The following TDRP variants were observed in gnomAD, a reference collection of about 807,000 sequenced individuals.
The protein encoded by TDRP is testis development-related protein.
In TDRP, 12 loss-of-function variants were observed where a neutral mutation model predicts 10.5. The ratio of observed to expected loss-of-function variants is 1.15; its 90% confidence interval spans 0.73 to 1.86. TDRP has a LOEUF of 1.86. TDRP is among the 40% of genes most tolerant of loss of function. The pLI, the probability that TDRP is intolerant of heterozygous loss-of-function variation, is 0.00. For synonymous variants in TDRP, 139 were observed against 95.4 expected (o/e 1.46, Z -2.67); for missense variants, 353 against 229.2 (o/e 1.54, Z -3.49).
At chr8:528,633 T>C (rs1282951886) in intron 1 of TDRP, among the ~76,000 whole-genome samples, 6 of 131,040 alleles carry the variant, frequency 4.6e-5, no homozygotes, top group Non-Finnish European at 1.0e-4. Context: ...AAGAGTATAA[T>C]TGGATTGTTT....
At chr8:517,591 G>C (rs957721405) in intron 1 of TDRP, among the ~76,000 whole-genome samples, 1 of 152,068 alleles carries the variant, frequency 6.6e-6, no homozygotes, top group Non-Finnish European at 1.5e-5. Flanking sequence ...CCTACAACCT[G>C]GAAGCCCCCA....
At chr8:499,414 A>C (rs1009380833) in intron 1 of TDRP, among the ~76,000 whole-genome samples, 1 of 152,134 alleles carries the variant, frequency 6.6e-6, no homozygotes, top group Non-Finnish European at 1.5e-5. Flanking sequence ...GGTCTCCACT[A>C]ACCACACCAC....
intron 1 of TDRP, chr8:495,157 C>G (rs115326306): frequency 0.1 from 15,796 of 153,706 alleles, 867 homozygotes; most frequent in African/African-American, 0.14. Flanking sequence ...CACTTGAGAC[C>G]CAGGAGGTCA....
intron 1 of TDRP, among the ~76,000 whole-genome samples, chr8:542,764 G>C (rs1802532941): frequency 6.6e-6 from 1 of 150,992 alleles, no homozygotes; most frequent in African/African-American, 2.4e-5. Flanking sequence ...TCAAGAGGCT[G>C]AGGCAGGAGA....
At chr8:515,972 C>T (rs998420726) in intron 1 of TDRP, among the ~76,000 whole-genome samples, 1 of 152,056 alleles carries the variant, frequency 6.6e-6, no homozygotes, top group Non-Finnish European at 1.5e-5. Context: ...AAATGCCATT[C>T]ACAAGAACCA....
intron 1 of TDRP, among the ~76,000 whole-genome samples, chr8:540,646 C>CA (rs1309577807): frequency 1.3e-5 from 2 of 150,388 alleles, no homozygotes; most frequent in African/African-American, 2.4e-5. Flanking sequence ...TATTTATGAC[C>CA]AAAAAAAAGG....
chr8:534,011 G>T (rs528341703), intron 1 of TDRP, among the ~76,000 whole-genome samples: 192 of 152,248 alleles, frequency 1.3e-3, no homozygotes, highest in African/African-American at 4.5e-3. Flanking sequence ...GCTTTCAAAA[G>T]GCACTGATTG....
intron 1 of TDRP, among the ~76,000 whole-genome samples, chr8:504,664 C>T (rs915628389): frequency 1.3e-4 from 20 of 152,202 alleles, no homozygotes; most frequent in African/African-American, 4.6e-4. Flanking sequence ...GGTGAACTGG[C>T]AATTCTTGTA....
At chr8:530,887 G>C (rs1802173510) in intron 1 of TDRP, among the ~76,000 whole-genome samples, 1 of 152,136 alleles carries the variant, frequency 6.6e-6, no homozygotes, top group African/African-American at 2.4e-5. Context: ...GCTCTCTCCT[G>C]ACTGTGCTGA....
In TDRP at chr8:531,618, C is replaced by T. The variant is rs142495941; in HGVS notation, c.108+13032G>A. On this transcript the variant is annotated intron_variant, in intron 1 of 2. Transcript: ENST00000324079. ...AAGGCGTAAGGATGCCATCTTTAAT[C>T]ACAGTTACAGACTGTCTTTTCTCTA... is the stretch of plus-strand genomic sequence containing the variant. Among the ~76,000 whole-genome samples the T allele has an allele frequency of 1.5e-3, 229 of 152,334 alleles. 2 individuals carry two copies. Among genetic ancestry groups the T allele is most frequent in the African/African-American group, 5.3e-3 (221 of 41,582 alleles).
intron 1 of TDRP, among the ~76,000 whole-genome samples, chr8:526,258 A>G (rs1363220803): frequency 6.6e-6 from 1 of 152,136 alleles, no homozygotes; most frequent in Non-Finnish European, 1.5e-5. Flanking sequence ...TCAGCCTATC[A>G]AAGTGCTAGA....
chr8:544,890 C>A, upstream of TDRP: 1 of 557,802 alleles, frequency 1.8e-6, no homozygotes, highest in Non-Finnish European at 2.6e-6. Flanking sequence ...TAGGCGGGGG[C>A]GGGGCACCCC....
At chr8:515,090 G>C (rs1349715987) in intron 1 of TDRP, among the ~76,000 whole-genome samples, 2 of 152,152 alleles carry the variant, frequency 1.3e-5, no homozygotes, top group Non-Finnish European at 2.9e-5. Flanking sequence ...CTGTAACCTT[G>C]TGGGAATCCA....
At chr8:517,194 A>G (rs1801779190) in intron 1 of TDRP, among the ~76,000 whole-genome samples, 1 of 152,192 alleles carries the variant, frequency 6.6e-6, no homozygotes, top group Admixed American at 6.5e-5. Flanking sequence ...GTGAGATACC[A>G]AATTCCAACC....
At chr8:503,465 G>A (rs10099029) in intron 1 of TDRP, among the ~76,000 whole-genome samples, 53,402 of 147,852 alleles carry the variant, frequency 0.36, 9,400 homozygotes, top group Middle Eastern at 0.4. Context: ...GCACCAACAC[G>A]GAATCTAGAG....
intron 1 of TDRP, among the ~76,000 whole-genome samples, chr8:507,158 G>A (rs531072899): frequency 6.6e-6 from 1 of 152,260 alleles, no homozygotes; most frequent in Admixed American, 6.5e-5. Flanking sequence ...CAGATCTCAT[G>A]AGACTCACTC....
intron 1 of TDRP, among the ~76,000 whole-genome samples, chr8:516,279 C>T (rs755841879): frequency 1.3e-4 from 20 of 152,008 alleles, no homozygotes; most frequent in Non-Finnish European, 2.9e-4. Flanking sequence ...TATGGCGTGT[C>T]CCTCAGGAAT....
intron 1 of TDRP, among the ~76,000 whole-genome samples, chr8:543,409 G>T (rs746390012): frequency 6.6e-6 from 1 of 152,066 alleles, no homozygotes; most frequent in Non-Finnish European, 1.5e-5. Context: ...AATTCTCAAG[G>T]CTCTATCCAG....
intron 2 of TDRP, among the ~76,000 whole-genome samples, chr8:493,955 T>TC (rs951671045): frequency 2.6e-5 from 4 of 151,704 alleles, no homozygotes; most frequent in African/African-American, 9.7e-5. Context: ...AAGTACAGTT[T>TC]CTTTTTTTTT....
Sources: gnomAD v4.1 joint callset for allele counts (sites outside exome capture counted in the v4.1 genomes callset) on GRCh38, gnomAD v4.1.1 for gene constraint, MANE v1.5 for transcripts, NCBI Gene and HGNC (gene_info 2026-07-23, HGNC 2026-07-21) for gene names.